Variants in FHIP1A observed in about 807,000 individuals in gnomAD.
FHIP1A encodes FHF complex subunit HOOK-interacting protein 1A.
A neutral mutation model predicts 88.6 loss-of-function variants in FHIP1A; 61 were observed. The ratio of observed to expected loss-of-function variants is 0.69; its 90% CI spans 0.56 to 0.85. The LOEUF (loss-of-function observed/expected upper bound fraction) is 0.85. Among genes scored for constraint, FHIP1A ranks in the 40% least tolerant of loss-of-function variants. The pLI, the probability that FHIP1A is intolerant of heterozygous loss-of-function variation, is 0.00. For synonymous variants in FHIP1A, 478 were observed against 496.0 expected, an observed-to-expected ratio of 0.96 and a Z score of 0.48; for missense variants, 1,154 against 1,273.5, an observed-to-expected ratio of 0.91 and a Z score of 1.43.
chr4:151,584,961 T>C (rs563977392), intron 5 of FHIP1A, among the ~76,000 whole-genome samples: 41 of 152,322 alleles, frequency 2.7e-4, no homozygotes, highest in Admixed American at 2.2e-3. Context: ...AGTAAGAGTC[T>C]TTTGTAAATC....
At chr4:151,571,244 A>T (rs1023511476) in intron 4 of FHIP1A, among the ~76,000 whole-genome samples, 1 of 152,238 alleles carries the variant, frequency 6.6e-6, no homozygotes, top group South Asian at 2.1e-4. Context: ...AAACAAATCA[A>T]TTGGAAATGC....
intron 3 of FHIP1A, among the ~76,000 whole-genome samples, chr4:151,491,620 T>C (rs769488949): frequency 6.6e-5 from 10 of 151,490 alleles, no homozygotes; most frequent in African/African-American, 1.2e-4. Flanking sequence ...ACTAGCATGA[T>C]GAATAGAGCA....
chr4:151,527,898 T>G (rs891543056), intron 3 of FHIP1A, among the ~76,000 whole-genome samples: 2 of 129,722 alleles, frequency 1.5e-5, no homozygotes, highest in Admixed American at 1.5e-4. Flanking sequence ...TTGGTTGTGA[T>G]TCACTGCTTA....
At chr4:151,523,448 A>C (rs1000906923) in intron 3 of FHIP1A, among the ~76,000 whole-genome samples, 14 of 152,160 alleles carry the variant, frequency 9.2e-5, no homozygotes, top group African/African-American at 3.4e-4. Flanking sequence ...AGTGAAATTG[A>C]TGCCGGGCTT....
intron 3 of FHIP1A, among the ~76,000 whole-genome samples, chr4:151,510,265 C>T (rs759969053): frequency 1.3e-5 from 2 of 151,960 alleles, no homozygotes; most frequent in African/African-American, 4.8e-5. Context: ...CCACTGTGCC[C>T]ACTAATATTT....
At chr4:151,566,871 C>T (rs1009864545) in intron 4 of FHIP1A, among the ~76,000 whole-genome samples, 8 of 152,044 alleles carry the variant, frequency 5.3e-5, no homozygotes, top group Non-Finnish European at 1.0e-4. Flanking sequence ...TAGAAAATTA[C>T]CGAGGTTAAA....
At chr4:151,657,026 T>C (rs1182421604) in intron 13 of FHIP1A, 128 bp downstream of exon 13, 21 of 999,480 alleles carry the variant, frequency 2.1e-5, no homozygotes, top group Non-Finnish European at 3.0e-5. Flanking sequence ...TTTTCATTTT[T>C]ATGCAACAGG....
At chr4:151,595,415 A>C (rs1734608634) in intron 7 of FHIP1A, among the ~76,000 whole-genome samples, 1 of 152,142 alleles carries the variant, frequency 6.6e-6, no homozygotes, top group Admixed American at 6.5e-5. Context: ...TTCCGTTCTT[A>C]TGCATTTGCT....
chr4:151,552,259 A>T (rs1026378925), intron 3 of FHIP1A, among the ~76,000 whole-genome samples: 2 of 152,200 alleles, frequency 1.3e-5, no homozygotes, highest in Non-Finnish European at 2.9e-5. Context: ...ATTGTGGAAG[A>T]CAGTGTGGTG....
intron 13 of FHIP1A, among the ~76,000 whole-genome samples, chr4:151,660,698 A>G (rs1236294357): frequency 6.6e-6 from 1 of 152,194 alleles, no homozygotes; most frequent in Non-Finnish European, 1.5e-5. Flanking sequence ...TAACATGGAG[A>G]GGAGGCTAGA....
At chr4:151,430,888 G>C (rs1484752530) in intron 1 of FHIP1A, among the ~76,000 whole-genome samples, 1 of 152,164 alleles carries the variant, frequency 6.6e-6, no homozygotes, top group Non-Finnish European at 1.5e-5. Context: ...AAGTTCTATT[G>C]ACCTTTTATT....
chr4:151,596,371 G>A (rs1734648455), intron 7 of FHIP1A, among the ~76,000 whole-genome samples: 2 of 152,132 alleles, frequency 1.3e-5, no homozygotes, highest in Non-Finnish European at 2.9e-5. Context: ...TGGCTTGTAG[G>A]GTTTCTGCAG....
rs994701573 is a variant in FHIP1A, at chr4:151,661,105, G to C, written c.2870-1396G>C. On this transcript the variant is annotated intron_variant, in intron 13 of 13. Transcript: ENST00000435205. ...ATGAACAGTGCAGGTCTCGGTCTGG[G>C]AGTAGGTCCATGGTGTCCCAGTCCC... Among the ~76,000 whole-genome samples, 2 of 152,022 alleles carry C rather than the reference G, an allele frequency of 1.3e-5. 1 individual carries two copies. Among genetic ancestry groups the C allele is most frequent in the Non-Finnish European group, 2.9e-5 (2 of 68,006 alleles).
At chr4:151,487,378 T>C (rs781192922) in intron 3 of FHIP1A, among the ~76,000 whole-genome samples, 2 of 152,198 alleles carry the variant, frequency 1.3e-5, no homozygotes, top group African/African-American at 2.4e-5. Context: ...TTTTCTTCTT[T>C]CCACATCTCA....
intron 3 of FHIP1A, among the ~76,000 whole-genome samples, chr4:151,563,221 C>T (rs1733241426): frequency 6.6e-6 from 1 of 152,074 alleles, no homozygotes; most frequent in Admixed American, 6.6e-5. Context: ...TATATTTTGA[C>T]AGCTCATCTC....
At chr4:151,537,468 G>T (rs1301180010) in intron 3 of FHIP1A, among the ~76,000 whole-genome samples, 1 of 151,990 alleles carries the variant, frequency 6.6e-6, no homozygotes, top group East Asian at 1.9e-4. Flanking sequence ...TTACTGTTGA[G>T]TTTTGAGAGT....
In FHIP1A at chr4:151,577,641, GA is replaced by G; in HGVS notation, c.300del (p.Lys100AsnfsTer7). 6.4e-7 allele frequency: 1 copy of G among 1,551,800 alleles called. No homozygotes were observed. The highest frequency in any genetic ancestry group is 8.7e-7 in the Non-Finnish European group (1 of 1,146,982). On this transcript the variant is annotated frameshift_variant, in exon 5 of 14. Coordinates refer to ENST00000435205, the MANE Select transcript of FHIP1A (RefSeq NM_001109977.3). LOFTEE classifies it high-confidence loss of function. ...EFVVSENIME[K>X]LFLWSLRREF... ...TTGTGGTCTCTGAGAACATCATGGA[GA>G]AACTTTTCCTTTGGAGCTTGAGAAG...
chr4:151,448,909 T>A (rs1728699990), intron 1 of FHIP1A, among the ~76,000 whole-genome samples: 2 of 152,190 alleles, frequency 1.3e-5, no homozygotes, highest in Non-Finnish European at 2.9e-5. Context: ...CTGTACTATT[T>A]TACATTCCTT....
chr4:151,546,976 C>T (rs1353619847), intron 3 of FHIP1A, among the ~76,000 whole-genome samples: 2 of 152,100 alleles, frequency 1.3e-5, no homozygotes, highest in African/African-American at 2.4e-5. Context: ...CAGCAGCACC[C>T]GCCACCCCCT....
Sources: gnomAD v4.1 joint callset for allele counts (sites outside exome capture counted in the v4.1 genomes callset) on GRCh38, gnomAD v4.1.1 for gene constraint, MANE v1.5 for transcripts, NCBI Gene and HGNC (gene_info 2026-07-23, HGNC 2026-07-21) for gene names.